Variants in PLCL1 observed in about 807,000 individuals in gnomAD.
PLCL1 encodes phospholipase C like 1 (inactive), also known as inactive phospholipase C-like protein 1.
Under a neutral mutation model 84.4 loss-of-function variants are expected in PLCL1, and 41 were observed. The observed-to-expected ratio is 0.49, with a 90% CI of 0.38 to 0.63. The LOEUF (loss-of-function observed/expected upper bound fraction) is 0.63, where lower values mean the gene tolerates loss of function less well. Among genes scored for constraint, PLCL1 ranks in the 30% least tolerant of loss-of-function variants. The pLI, the probability that PLCL1 is intolerant of heterozygous loss-of-function variation, is 0.00. For missense variants in PLCL1, 1,206 were observed against 1,367.8 expected (o/e 0.88, Z 1.87); for synonymous variants, 490 against 488.3 (o/e 1.00, Z -0.05).
chr2:197,999,093 G>A (rs1251877485), intron 1 of PLCL1, among the ~76,000 whole-genome samples: 2 of 152,144 alleles, frequency 1.3e-5, no homozygotes, highest in Admixed American at 1.3e-4. Flanking sequence ...AGAGGAACCA[G>A]TATCCTGATC....
chr2:198,132,951 T>C (rs1383852054), intron 5 of PLCL1, among the ~76,000 whole-genome samples: 1 of 151,750 alleles, frequency 6.6e-6, no homozygotes. Flanking sequence ...CTAGGGTTTT[T>C]ATGGTTTTAG....
chr2:197,943,164 T>C (rs1689195246), intron 1 of PLCL1, among the ~76,000 whole-genome samples: 1 of 141,592 alleles, frequency 7.1e-6, no homozygotes, highest in Admixed American at 7.5e-5. Flanking sequence ...GCCACTGCGC[T>C]CTAGTCTGAG....
intron 1 of PLCL1, among the ~76,000 whole-genome samples, chr2:198,005,588 G>A (rs1371992827): frequency 6.6e-6 from 1 of 152,192 alleles, no homozygotes; most frequent in African/African-American, 2.4e-5. Context: ...AGTCTTGAGG[G>A]GAAGGCAGAC....
intron 1 of PLCL1, among the ~76,000 whole-genome samples, chr2:197,970,009 A>T (rs1689828272): frequency 6.6e-6 from 1 of 152,226 alleles, no homozygotes; most frequent in South Asian, 2.1e-4. Flanking sequence ...CTGGACCTGT[A>T]CTTTCCAATA....
rs1692847307 is a variant in PLCL1, at chr2:198,085,421, A to G, written c.1904A>G (p.Asn635Ser). Reference protein sequence around the residue: ...NEYPEDFVNYNKKFLSRIYPS... With the variant: ...NEYPEDFVNYSKKFLSRIYPS... ...TACCCAGAGGATTTTGTTAATTATAATAAGAAGTTCTTATCAAGAATCTAT... is the reference window on the plus strand; with the variant it reads ...TACCCAGAGGATTTTGTTAATTATAGTAAGAAGTTCTTATCAAGAATCTAT... Residue 635 changes from asparagine to serine, a missense_variant, in exon 2 of 6, where the codon AAT (asparagine) becomes AGT (serine). Physicochemically the swap from Asn to Ser is conservative, Grantham distance 46. Transcript: ENST00000428675. The surrounding 1 kb of genome is among the most constrained non-coding windows in gnomAD (Gnocchi z 5.3). 6.2e-7 allele frequency: 1 copy of G among 1,612,850 alleles called. No individual in the cohort carries two copies. The highest frequency in any genetic ancestry group is 1.1e-5 in the South Asian group (1 of 91,004).
intron 3 of PLCL1, among the ~76,000 whole-genome samples, chr2:198,092,181 A>C (rs1463924177): frequency 6.7e-6 from 1 of 148,416 alleles, no homozygotes; most frequent in Non-Finnish European, 1.5e-5. Flanking sequence ...GCCTCTCCCA[A>C]CCTCACCAGC....
At chr2:198,137,838 A>C (rs10168721) in intron 5 of PLCL1, among the ~76,000 whole-genome samples, 134,366 of 151,868 alleles carry the variant, frequency 0.88, 59,538 homozygotes, top group East Asian at 1. Context: ...CCACACTAGA[A>C]ATAGGTTCCG....
At chr2:197,924,118 G>T (rs560394314) in intron 1 of PLCL1, among the ~76,000 whole-genome samples, 1 of 145,618 alleles carries the variant, frequency 6.9e-6, no homozygotes, top group Non-Finnish European at 1.5e-5. Flanking sequence ...CTTCGGCTCC[G>T]CATGAGAGGG....
At chr2:198,005,762 G>T (rs1690714112) in intron 1 of PLCL1, among the ~76,000 whole-genome samples, 3 of 152,258 alleles carry the variant, frequency 2.0e-5, no homozygotes, top group Admixed American at 2.0e-4. Context: ...GGAGAGGCAA[G>T]GCTGGTGACA....
chr2:197,976,180 C>T (rs1689976919), intron 1 of PLCL1, among the ~76,000 whole-genome samples: 1 of 152,144 alleles, frequency 6.6e-6, no homozygotes, highest in South Asian at 2.1e-4. Context: ...TGCTTCCCAC[C>T]AGCACATCCA....
intron 1 of PLCL1, among the ~76,000 whole-genome samples, chr2:198,009,013 G>A (rs920206016): frequency 1.3e-5 from 2 of 151,922 alleles, no homozygotes; most frequent in African/African-American, 2.4e-5. Context: ...TTGGAGAAAT[G>A]TCAGTTTAAG....
intron 1 of PLCL1, among the ~76,000 whole-genome samples, chr2:197,846,113 G>C (rs1687117179): frequency 6.6e-6 from 1 of 152,090 alleles, no homozygotes; most frequent in African/African-American, 2.4e-5. Flanking sequence ...GTACTGTTCG[G>C]AACTACGCTA....
Position 197,998,216 on chromosome 2 carries a change from T to A in PLCL1, c.241-85542T>A, listed in dbSNP as rs184163040. On this transcript the variant is annotated intron_variant, in intron 1 of 5. Transcript: ENST00000428675. Reference sequence around the variant, plus strand: ...GTGTGTGTGTGTGTGTGTGTGTGTGTGATATGAGATTGCTTGTGCGCCTGT... The same window carrying A: ...GTGTGTGTGTGTGTGTGTGTGTGTGAGATATGAGATTGCTTGTGCGCCTGT... Among the ~76,000 whole-genome samples, 135 of 149,194 alleles carry A rather than the reference T, an allele frequency of 9.0e-4. 1 individual carries two copies. The highest frequency in any genetic ancestry group is 3.3e-3 in the Admixed American group (49 of 15,018).
At chr2:198,087,065 T>C (rs1261279212) in intron 2 of PLCL1, among the ~76,000 whole-genome samples, 1 of 152,080 alleles carries the variant, frequency 6.6e-6, no homozygotes, top group Non-Finnish European at 1.5e-5. Context: ...ACAAAAAAAA[T>C]TGGCACTCAA....
At chr2:198,121,853 G>C (rs749537167) in intron 5 of PLCL1, among the ~76,000 whole-genome samples, 10 of 151,836 alleles carry the variant, frequency 6.6e-5, no homozygotes, top group Non-Finnish European at 1.3e-4. Flanking sequence ...CTCTCAATAG[G>C]ACCAGTGCCC....
At chr2:197,861,374 T>C (rs919311163) in intron 1 of PLCL1, among the ~76,000 whole-genome samples, 1 of 152,180 alleles carries the variant, frequency 6.6e-6, no homozygotes, top group Non-Finnish European at 1.5e-5. Context: ...GGAAGCTCTG[T>C]GTCCGTTCCC....
intron 1 of PLCL1, among the ~76,000 whole-genome samples, chr2:197,954,270 T>C (rs760373435): frequency 1.3e-5 from 2 of 152,140 alleles, no homozygotes; most frequent in Non-Finnish European, 2.9e-5. Flanking sequence ...CATTTCAACT[T>C]AAAAGCTGGA....
rs1279748359 is a variant in PLCL1, at chr2:198,086,104, G to A, written c.2587G>A (p.Val863Met). The change falls in exon 2 of 6, where the codon GTG (valine) becomes ATG (methionine). Residue 863 changes from valine (V) to methionine (M), a missense_variant. Physicochemically the swap from Val to Met is conservative, Grantham distance 21. Coordinates refer to ENST00000428675, the MANE Select transcript of PLCL1 (RefSeq NM_006226.4). Reference sequence around the variant, plus strand: ...AAAGGCACAGAAGCGCAGTCTTTCAGTGAGAATGGGGAAGAAAGTTCGGGA... The same window carrying A: ...AAAGGCACAGAAGCGCAGTCTTTCAATGAGAATGGGGAAGAAAGTTCGGGA... The part of the protein sequence containing the change: ...GGKAQKRSLS[V>M]RMGKKVREYT... The A allele has an allele frequency of 6.2e-7, 1 of 1,614,054 alleles. No homozygotes were observed. Among genetic ancestry groups the A allele is most frequent in the African/African-American group, 1.3e-5 (1 of 75,026 alleles).
At chr2:197,827,372 AT>A (rs1444333671) in intron 1 of PLCL1, among the ~76,000 whole-genome samples, 1 of 151,998 alleles carries the variant, frequency 6.6e-6, no homozygotes, top group Non-Finnish European at 1.5e-5. Flanking sequence ...ATAAATATAT[AT>A]GTGTATATAT....
Sources: gnomAD v4.1 joint callset for allele counts (sites outside exome capture counted in the v4.1 genomes callset) on GRCh38, gnomAD v4.1.1 for gene constraint, Gnocchi (gnomAD v3.1) non-coding constraint, MANE v1.5 for transcripts, NCBI Gene and HGNC (gene_info 2026-07-23, HGNC 2026-07-21) for gene names.